Variants in RTN4 observed in about 807,000 individuals in gnomAD.
RTN4 encodes reticulon 4.
A neutral mutation model predicts 90.4 loss-of-function variants in RTN4; 32 were observed. That is an observed-to-expected ratio of 0.35 (90% confidence interval 0.27 to 0.48). The LOEUF (loss-of-function observed/expected upper bound fraction) is 0.48, where lower values mean the gene tolerates loss of function less well. Ranked by LOEUF, RTN4 falls within the 20% of genes least tolerant of loss-of-function variation. The pLI is 0.99. For synonymous variants in RTN4, 629 were observed against 552.5 expected, an observed-to-expected ratio of 1.14 and a Z score of -1.94; for missense variants, 1,706 against 1,430.2, an observed-to-expected ratio of 1.19 and a Z score of -3.11.
At chr2:54,985,294 G>A (rs1231149765) in intron 4 of RTN4, among the ~76,000 whole-genome samples, 3 of 150,602 alleles carry the variant, frequency 2.0e-5, no homozygotes, top group Admixed American at 1.3e-4. Flanking sequence ...TGAATAGCTG[G>A]GACTACTGGC....
intron 1 of RTN4, among the ~76,000 whole-genome samples, chr2:55,095,896 A>G (rs1669023805): frequency 6.6e-6 from 1 of 152,136 alleles, no homozygotes; most frequent in Non-Finnish European, 1.5e-5. Flanking sequence ...GACAGTTTTG[A>G]GCAGGGACTG....
upstream of RTN4, chr2:55,050,628 C>T (rs200800791): frequency 8.9e-5 from 20 of 225,022 alleles, no homozygotes; most frequent in Middle Eastern, 4.4e-3. The surrounding 1 kb of genome is among the most constrained non-coding windows in gnomAD (Gnocchi z 4.6). Flanking sequence ...CAATCGGCTA[C>T]AGGATCGAGA....
chr2:55,001,691 A>G (rs1679860350), intron 3 of RTN4, among the ~76,000 whole-genome samples: 1 of 152,190 alleles, frequency 6.6e-6, no homozygotes, highest in Non-Finnish European at 1.5e-5. Context: ...AATTGCTCCA[A>G]AAAACACTGA....
chr2:55,122,004 T>C, the RTN4 span, among the ~76,000 whole-genome samples: 3 of 152,034 alleles, frequency 2.0e-5, no homozygotes, highest in Non-Finnish European at 4.4e-5. Context: ...TCTTTTTTCT[T>C]TTTTTTTCTT....
At chr2:54,987,784 C>T in intron 3 of RTN4, 86 bp from the exon 4 acceptor site, 3 of 1,035,128 alleles carry the variant, frequency 2.9e-6, no homozygotes, top group Non-Finnish European at 4.3e-6. Flanking sequence ...AACGCTACTA[C>T]ATAAAGTAAA....
At chr2:55,012,992 A>T (rs1335712121) in intron 3 of RTN4, among the ~76,000 whole-genome samples, 1 of 152,182 alleles carries the variant, frequency 6.6e-6, no homozygotes, top group Non-Finnish European at 1.5e-5. Context: ...TTTTAAAAAA[A>T]TTAATTCTTT....
In RTN4 at chr2:54,991,067, C is replaced by T. The variant is rs1040497077; in HGVS notation, c.3014-3369G>A. 1.3e-4 allele frequency among the ~76,000 whole-genome samples: 20 copies of T among 152,162 alleles called. 1 individual carries two copies. The highest frequency in any genetic ancestry group is 4.6e-4 in the African/African-American group (19 of 41,440). On this transcript the variant is annotated intron_variant, in intron 3 of 8. Transcript: ENST00000337526. The stretch of plus-strand genomic sequence containing the variant: ...AAAGTGCTGGGATTACAGGCGTGGG[C>T]TACCATGCCCGGCCTCTCAAATCTA...
intron 1 of RTN4, among the ~76,000 whole-genome samples, chr2:55,031,093 A>G (rs1558830244): frequency 6.6e-6 from 1 of 152,224 alleles, no homozygotes; most frequent in Non-Finnish European, 1.5e-5. Context: ...ATCTAATTAC[A>G]ATACTACAAA....
At chr2:55,043,290 T>C (rs1220691498) in intron 1 of RTN4, among the ~76,000 whole-genome samples, 2 of 152,208 alleles carry the variant, frequency 1.3e-5, no homozygotes, top group Non-Finnish European at 2.9e-5. Flanking sequence ...ACCATAAGTA[T>C]AGTATATCTG....
At chr2:54,999,914 T>C (rs1251371472) in intron 3 of RTN4, among the ~76,000 whole-genome samples, 1 of 152,186 alleles carries the variant, frequency 6.6e-6, no homozygotes, top group African/African-American at 2.4e-5. Flanking sequence ...TAAGAGGACC[T>C]TAAGTCCTAT....
chr2:54,995,889 T>C (rs913157308), intron 3 of RTN4, among the ~76,000 whole-genome samples: 4 of 152,126 alleles, frequency 2.6e-5, no homozygotes, highest in African/African-American at 9.7e-5. Context: ...TGTTTTTTTT[T>C]CTCTTCCTCA....
At chr2:55,084,942 C>T (rs1414022680) in intron 1 of RTN4, among the ~76,000 whole-genome samples, 1 of 152,114 alleles carries the variant, frequency 6.6e-6, no homozygotes, top group African/African-American at 2.4e-5. Context: ...CACACATCAC[C>T]ATGTCCAGCT....
chr2:54,994,416 T>A (rs578254974), intron 3 of RTN4, among the ~76,000 whole-genome samples: 5 of 152,326 alleles, frequency 3.3e-5, no homozygotes, highest in Admixed American at 3.3e-4. Flanking sequence ...AATACAAGAT[T>A]GATTAAACAT....
intron 2 of RTN4, among the ~76,000 whole-genome samples, chr2:55,067,310 T>C (rs1257251660): frequency 1.3e-5 from 2 of 152,078 alleles, no homozygotes; most frequent in Non-Finnish European, 2.9e-5. Context: ...CTTTGGAAAG[T>C]ACAAAGCACC....
the RTN4 span, among the ~76,000 whole-genome samples, chr2:55,129,808 G>A: frequency 6.6e-6 from 1 of 152,090 alleles, no homozygotes; most frequent in Admixed American, 6.6e-5. Flanking sequence ...TGATCCACCT[G>A]CCTCGGACTC....
intron 1 of RTN4, among the ~76,000 whole-genome samples, chr2:55,104,890 T>C (rs192240187): frequency 2.3e-4 from 35 of 152,118 alleles, no homozygotes; most frequent in Admixed American, 2.2e-3. Flanking sequence ...CACTGCAACC[T>C]CAACCTCTCG....
intron 5 of RTN4, among the ~76,000 whole-genome samples, chr2:54,980,028 T>A (rs1677990239): frequency 6.6e-6 from 1 of 152,216 alleles, no homozygotes. Flanking sequence ...ACAACAAGTG[T>A]TCCAGAAAGG....
the RTN4 span, among the ~76,000 whole-genome samples, chr2:55,136,418 G>C: frequency 6.6e-6 from 1 of 152,240 alleles, no homozygotes; most frequent in African/African-American, 2.4e-5. Context: ...AAAACCCCAA[G>C]TCAAAGGCTA....
intron 4 of RTN4, among the ~76,000 whole-genome samples, chr2:54,986,643 C>A (rs1286653457): frequency 6.6e-6 from 1 of 152,060 alleles, no homozygotes; most frequent in African/African-American, 2.4e-5. Flanking sequence ...TGAAAACTAG[C>A]ATGGTAGTGG....
Sources: allele counts gnomAD v4.1 joint callset (sites outside exome capture counted in the v4.1 genomes callset), GRCh38; gene constraint gnomAD v4.1.1; non-coding constraint Gnocchi (gnomAD v3.1); transcripts MANE v1.5; gene names NCBI Gene and HGNC (gene_info 2026-07-23, HGNC 2026-07-21).